Variants in DRC3 observed in about 807,000 individuals in gnomAD.
DRC3 encodes dynein regulatory complex subunit 3, also known as leucine rich repeat containing 48.
DRC3 carries 45 observed loss-of-function variants against 57.6 expected under a neutral mutation model. The observed-to-expected ratio is 0.78, with a 90% confidence interval of 0.62 to 1.00. The LOEUF (loss-of-function observed/expected upper bound fraction) is 1.00. DRC3 is among the 50% of genes least tolerant of loss of function. The pLI, the probability that DRC3 is intolerant of heterozygous loss-of-function variation, is 0.00. For missense variants in DRC3, 655 were observed against 675.2 expected, an observed-to-expected ratio of 0.97 and a Z score of 0.33; for synonymous variants, 257 against 272.3, an observed-to-expected ratio of 0.94 and a Z score of 0.55.
Position 18,016,785 on chromosome 17 carries a change from C to T in DRC3, c.*114C>T, listed in dbSNP as rs182587977. On this transcript the variant is annotated 3_prime_UTR_variant, in exon 14 of 14. Transcript: ENST00000399187. ...AGAGTTGCTGGGCATCTCTCAACCG[C>T]GATCCCCAACACCATTCTTCCCCCA... is the stretch of plus-strand genomic sequence containing the variant. 7.4e-4 allele frequency: 434 copies of T among 583,466 alleles called. 4 individuals are homozygous for T. Among genetic ancestry groups the T allele is most frequent in the East Asian group, 4.4e-4 (15 of 33,968 alleles). The allele number at this position is 583,466 out of a possible 1,614,324, so 36.1% of individuals were successfully genotyped here.
chr17:17,991,133 G>A (rs1206633478), intron 5 of DRC3, among the ~76,000 whole-genome samples: 1 of 152,106 alleles, frequency 6.6e-6, no homozygotes, highest in Non-Finnish European at 1.5e-5. Flanking sequence ...CCTGCTAGGT[G>A]ACTAATAGTG....
chr17:17,977,902 T>C (rs752970623), intron 3 of DRC3, 144 bp downstream of exon 3: 3 of 724,420 alleles, frequency 4.1e-6, no homozygotes, highest in East Asian at 5.5e-5. Flanking sequence ...TTACAAGGCA[T>C]AGGAGCAGCA....
At position 18,006,236 on chromosome 17, in the gene DRC3, C is replaced by T. The variant is rs988406379; in HGVS notation, c.1185C>T (p.Ile395=). The T allele has an allele frequency of 1.2e-6, 2 of 1,610,926 alleles. No homozygotes were observed. Among genetic ancestry groups the T allele is most frequent in the Non-Finnish European group, 1.7e-6 (2 of 1,177,900 alleles). ...RNIVDMVGLF[I]ENVQSLMAQC... is the part of the protein sequence containing the mutation. Reference sequence around the variant, plus strand: ...TTGTTGACATGGTAGGACTGTTTATCGAAAATGTCCAAAGCCTATATCCTT... The same window carrying T: ...TTGTTGACATGGTAGGACTGTTTATTGAAAATGTCCAAAGCCTATATCCTT... The change falls in exon 11 of 14, where the codon ATC becomes ATT. Residue 395 remains isoleucine, a synonymous_variant. Transcript: ENST00000399187.
intron 7 of DRC3, among the ~76,000 whole-genome samples, 194 bp from the exon 8 acceptor site, chr17:17,994,805 C>G (rs2043390458): frequency 6.6e-6 from 1 of 152,210 alleles, no homozygotes; most frequent in South Asian, 2.1e-4. Context: ...AGTCTCCACC[C>G]CTCCTTGCAA....
chr17:17,994,271 A>G, intron 6 of DRC3, 28 bp from the exon 7 acceptor site: 1 of 1,548,994 alleles, frequency 6.5e-7, no homozygotes, highest in Non-Finnish European at 8.7e-7. Context: ...AACCTCTGGT[A>G]ACAATGCCAC....
rs773815957 is a variant in DRC3 at position 18,016,561 on chromosome 17, C to T, written c.1462C>T (p.His488Tyr). ...SWCTRLIDRI[H>Y]KDEIMRNRKR... ...GGGCTTTGGTTTCACTCCTCAGATTCACAAGGATGAGATCATGAGGAACCG... is the reference window on the plus strand; with the variant it reads ...GGGCTTTGGTTTCACTCCTCAGATTTACAAGGATGAGATCATGAGGAACCG... Residue 488 changes from histidine (H) to tyrosine (Y), a missense_variant, in exon 14 of 14, where the codon CAC (histidine) becomes TAC (tyrosine). Coordinates refer to ENST00000399187, the MANE Select transcript of DRC3 (RefSeq NM_031294.4). 2 of 1,611,212 alleles carry T rather than the reference C, an allele frequency of 1.2e-6. No individual in the cohort carries two copies. Among genetic ancestry groups the T allele is most frequent in the African/African-American group, 1.3e-5 (1 of 74,834 alleles).
chr17:18,001,333 G>A (rs549940741), intron 9 of DRC3, among the ~76,000 whole-genome samples: 108 of 151,638 alleles, frequency 7.1e-4, no homozygotes, highest in Non-Finnish European at 9.0e-4. Context: ...GTGAAACCCC[G>A]TCTCTACTAA....
intron 2 of DRC3, among the ~76,000 whole-genome samples, chr17:17,976,070 A>G (rs2042373466): frequency 6.6e-6 from 1 of 152,154 alleles, no homozygotes; most frequent in Admixed American, 6.5e-5. Flanking sequence ...CAGTGGAATG[A>G]AAAACAGAGC....
intron 7 of DRC3, 52 bp from the exon 8 acceptor site, chr17:17,994,947 T>C (rs1305367748): frequency 1.1e-5 from 14 of 1,290,806 alleles, no homozygotes; most frequent in Admixed American, 8.5e-5. Context: ...TGTGAGATGA[T>C]GCAGGGGCCC....
intron 9 of DRC3, among the ~76,000 whole-genome samples, chr17:18,000,206 G>A (rs1328501620): frequency 2.7e-5 from 4 of 150,822 alleles, no homozygotes; most frequent in Non-Finnish European, 5.9e-5. Flanking sequence ...GTGTGTGTGT[G>A]TGTGTGCATA....
chr17:18,006,888 T>TTG (rs1436493115), intron 11 of DRC3, 136 bp from the exon 12 acceptor site: 2 of 1,390,754 alleles, frequency 1.4e-6, no homozygotes, highest in Admixed American at 4.4e-5. Flanking sequence ...GGTTCGGAGC[T>TTG]TGTGAGTGGA....
intron 6 of DRC3, 78 bp downstream of exon 6, chr17:17,992,989 T>C: frequency 6.6e-7 from 1 of 1,513,896 alleles, no homozygotes; most frequent in Non-Finnish European, 9.1e-7. Flanking sequence ...AAAGGGGCAT[T>C]GAAGAGTAGC....
chr17:18,015,188 T>C (rs2044311904), intron 12 of DRC3: 2 of 152,240 alleles, frequency 1.3e-5, no homozygotes, highest in Admixed American at 1.3e-4. Context: ...AAGAATACTT[T>C]TTTTGGCAGA....
At chr17:17,986,238 G>A (rs2042951283) in intron 4 of DRC3, among the ~76,000 whole-genome samples, 1 of 152,160 alleles carries the variant, frequency 6.6e-6, no homozygotes, top group African/African-American at 2.4e-5. Context: ...TATGTGCTGT[G>A]CTACCTTGAG....
rs1189226252 is a variant in DRC3 at position 18,008,761 on chromosome 17, T to A, written c.1326+1614T>A. 6.6e-6 allele frequency among the ~76,000 whole-genome samples: 1 copy of A among 152,214 alleles called. No individual in the cohort carries two copies. Among genetic ancestry groups the A allele is most frequent in the Non-Finnish European group, 1.5e-5 (1 of 68,042 alleles). On this transcript the variant is annotated intron_variant, in intron 12 of 13. Coordinates refer to ENST00000399187, the MANE Select transcript of DRC3 (RefSeq NM_031294.4). This position sits in a 1 kb window ranked among gnomAD's most constrained non-coding sequence, Gnocchi z 4.3. ...CACCACCTTCCCTGTGAAGTAAGGC[T>A]GTCCCTGAGTGCCCAGTTTGGAATT...
Position 18,007,017 on chromosome 17 carries a change from G to T in DRC3, c.1203-7G>T. The T allele has an allele frequency of 1.2e-6, 2 of 1,613,166 alleles. No homozygotes were observed. The highest frequency in any genetic ancestry group is 1.7e-6 in the Non-Finnish European group (2 of 1,179,524). Reference sequence around the variant, plus strand: ...CTCCCGGGCCTTTGCTTAACTCGGGGCTGCACGATGGCTCAGTGCCGGGAC... The same window carrying T: ...CTCCCGGGCCTTTGCTTAACTCGGGTCTGCACGATGGCTCAGTGCCGGGAC... On this transcript the variant is annotated splice_region_variant and splice_polypyrimidine_tract_variant and intron_variant, in intron 11 of 13. Transcript: ENST00000399187.
At chr17:18,011,359 G>T in intron 12 of DRC3, 1 of 335,638 alleles carries the variant, frequency 3.0e-6, no homozygotes, top group Non-Finnish European at 5.7e-6. Context: ...CAATGGCCGT[G>T]TCACTCTGGG....
chr17:17,997,360 G>A (rs1223679590), intron 8 of DRC3, 100 bp from the exon 9 acceptor site: 1 of 1,071,454 alleles, frequency 9.3e-7, no homozygotes, highest in Non-Finnish European at 1.4e-6. Context: ...ACACTGTTGA[G>A]CGCACAGTCT....
chr17:17,992,466 A>G (rs2043275644), intron 5 of DRC3, among the ~76,000 whole-genome samples: 1 of 152,202 alleles, frequency 6.6e-6, no homozygotes, highest in South Asian at 2.1e-4. Context: ...CCCGTTTAAC[A>G]GATGTGGACG....
Sources: allele counts gnomAD v4.1 joint callset (sites outside exome capture counted in the v4.1 genomes callset), GRCh38; gene constraint gnomAD v4.1.1; non-coding constraint Gnocchi (gnomAD v3.1); transcripts MANE v1.5; gene names NCBI Gene and HGNC (gene_info 2026-07-23, HGNC 2026-07-21).